Variants in DPEP1 observed in about 807,000 individuals in gnomAD.
DPEP1 encodes dipeptidase 1.
In DPEP1, 50 loss-of-function variants were observed where a neutral mutation model predicts 42.3. The ratio of observed to expected loss-of-function variants is 1.18; its 90% CI spans 0.94 to 1.50. The LOEUF is 1.50. DPEP1 is among the 40% of genes most tolerant of loss of function. The pLI is 0.00. For synonymous variants in DPEP1, 297 were observed against 234.0 expected, an observed-to-expected ratio of 1.27 and a Z score of -2.46; for missense variants, 663 against 553.0, an observed-to-expected ratio of 1.20 and a Z score of -1.99.
intron 1 of DPEP1, among the ~76,000 whole-genome samples, chr16:89,623,350 G>A (rs1409077935): frequency 1.3e-5 from 2 of 151,948 alleles, no homozygotes; most frequent in Admixed American, 6.6e-5. Flanking sequence ...GGGCATCTCC[G>A]GAGCTCGCCC....
Position 89,636,670 on chromosome 16 carries a change from T to C in DPEP1, c.508T>C (p.Cys170Arg). 6.2e-7 allele frequency: 1 copy of C among 1,612,376 alleles called. No individual in the cohort carries two copies. The highest frequency in any genetic ancestry group is 8.5e-7 in the Non-Finnish European group (1 of 1,179,898). ...GMRYLTLTHS[C>R]NTPWADNWLV... ...GCGGTACCTGACCCTCACCCACAGC[T>C]GCAACACGCCCTGGTGCGTGACTCC... Residue 170 changes from cysteine (C) to arginine (R), a missense_variant, in exon 5 of 11, where the codon TGC becomes CGC. Physicochemically the swap from Cys to Arg is radical, Grantham distance 180. Coordinates refer to ENST00000690203, the MANE Select transcript of DPEP1 (RefSeq NM_001389466.1).
chr16:89,628,908 C>T (rs993594266), intron 1 of DPEP1, among the ~76,000 whole-genome samples: 14 of 151,898 alleles, frequency 9.2e-5, no homozygotes, highest in African/African-American at 3.4e-4. Context: ...CTCACAGCAA[C>T]CTCCGCCTCC....
chr16:89,614,494 G>C (rs1156939650), intron 1 of DPEP1, among the ~76,000 whole-genome samples: 1 of 152,208 alleles, frequency 6.6e-6, no homozygotes, highest in Admixed American at 6.5e-5. Context: ...AGGATTTGCT[G>C]AATGAAAATC....
intron 2 of DPEP1, among the ~76,000 whole-genome samples, chr16:89,630,934 G>A (rs2059579807): frequency 6.6e-6 from 1 of 151,894 alleles, no homozygotes; most frequent in African/African-American, 2.4e-5. Context: ...GGGTCTCTCA[G>A]GGCCCCCAAA....
downstream of DPEP1, among the ~76,000 whole-genome samples, chr16:89,638,935 CACATA>C: frequency 1.2e-5 from 1 of 80,420 alleles, no homozygotes. Flanking sequence ...TGCACACACA[CACATA>C]CCCCACCCCT....
downstream of DPEP1, among the ~76,000 whole-genome samples, chr16:89,640,322 C>G (rs1300958561): frequency 6.6e-6 from 1 of 152,210 alleles, no homozygotes; most frequent in South Asian, 2.1e-4. Flanking sequence ...GCCCAGGTCA[C>G]TTCCAGATCT....
intron 2 of DPEP1, among the ~76,000 whole-genome samples, chr16:89,630,715 C>CTGGGGGAGCCGGGGT: frequency 1.0e-4 from 2 of 19,608 alleles, no homozygotes; most frequent in South Asian, 3.0e-3. Context: ...GGAGCCGGGG[C>CTGGGGGAGCCGGGGT]TGGGGGTGCC....
chr16:89,620,681 C>T (rs941126441), intron 1 of DPEP1: 3 of 152,270 alleles, frequency 2.0e-5, no homozygotes, highest in African/African-American at 7.2e-5. Context: ...CCAGAAACAA[C>T]CCCCAAGCCT....
intron 1 of DPEP1, among the ~76,000 whole-genome samples, chr16:89,614,573 T>C (rs944290493): frequency 6.6e-6 from 1 of 152,132 alleles, no homozygotes; most frequent in Non-Finnish European, 1.5e-5. Flanking sequence ...GGTGGGCAGA[T>C]CATGAGGTCA....
intron 1 of DPEP1, among the ~76,000 whole-genome samples, chr16:89,630,019 G>C (rs1047525339): frequency 6.6e-6 from 1 of 152,176 alleles, no homozygotes; most frequent in African/African-American, 2.4e-5. Context: ...AGTAATAACA[G>C]TAGCACAGCT....
intron 6 of DPEP1, 90 bp downstream of exon 6, chr16:89,637,025 C>T (rs2059690016): frequency 5.1e-6 from 8 of 1,557,240 alleles, no homozygotes. Flanking sequence ...CACGTGGGAC[C>T]TCAGTGTCCT....
intron 1 of DPEP1, among the ~76,000 whole-genome samples, chr16:89,624,799 T>TGCTG (rs1359036193): frequency 6.6e-6 from 1 of 152,108 alleles, no homozygotes; most frequent in Non-Finnish European, 1.5e-5. Context: ...TCTCCCAAAG[T>TGCTG]GCTGGGATGA....
rs527968779 is a variant in DPEP1 at position 89,614,533 on chromosome 16, G to T, written c.-107+814G>T. On this transcript the variant is annotated intron_variant, in intron 1 of 10. Coordinates refer to ENST00000690203, the MANE Select transcript of DPEP1 (RefSeq NM_001389466.1). ...GCTGTGGCCGGGCGCGGTGGCTCAC[G>T]CCTGTAATCCCCACACTGTGGGAGG... Among the ~76,000 whole-genome samples, 5 of 152,220 alleles carry T rather than the reference G, an allele frequency of 3.3e-5. No homozygotes were observed. The East Asian group carries it at 5.8e-4, about 18-fold the overall frequency.
chr16:89,626,044 G>A (rs931850538), intron 1 of DPEP1, among the ~76,000 whole-genome samples: 9 of 152,160 alleles, frequency 5.9e-5, no homozygotes, highest in East Asian at 1.9e-4. Flanking sequence ...TCTGGTGCTC[G>A]GAAGACATGT....
rs778246244 is a variant in DPEP1 at position 89,637,833 on chromosome 16, CAG to C, written c.930-2_930-1del. The C allele has an allele frequency of 1.2e-6, 2 of 1,612,752 alleles. No homozygotes were observed. Among genetic ancestry groups the C allele is most frequent in the East Asian group, 4.5e-5 (2 of 44,884 alleles). ...GGCCCAGGTTCTCCTGGCCTCAACA[CAG>C]GGTCCCTGAGGGGCTGGAGGACGTC... On this transcript the variant is annotated splice_acceptor_variant, in intron 9 of 10. Transcript: ENST00000690203. LOFTEE classifies it high-confidence loss of function.
intron 1 of DPEP1, among the ~76,000 whole-genome samples, chr16:89,629,664 G>C (rs1249741437): frequency 6.6e-6 from 1 of 152,220 alleles, no homozygotes; most frequent in Non-Finnish European, 1.5e-5. Flanking sequence ...GGAACTGTGT[G>C]CCCAGGAGCC....
chr16:89,637,260 TG>T lies in DPEP1; in HGVS notation c.649del (p.Val217TrpfsTer4). On this transcript the variant is annotated frameshift_variant, in exon 7 of 11. Transcript: ENST00000690203. LOFTEE classifies it high-confidence loss of function. ...TCCTCATCGACTTGGCTCACGTGTC[TG>T]TGGCCACCATGAAGGCCACCCTGCA... ...GVLIDLAHVS[V>X]ATMKATLQLS... The T allele has an allele frequency of 6.2e-7, 1 of 1,612,772 alleles. No homozygotes were observed. The highest frequency in any genetic ancestry group is 8.5e-7 in the Non-Finnish European group (1 of 1,179,966).
chr16:89,621,974 C>G (rs555012689), intron 1 of DPEP1, among the ~76,000 whole-genome samples: 5 of 152,266 alleles, frequency 3.3e-5, no homozygotes, highest in African/African-American at 9.6e-5. Flanking sequence ...GATGGGGCTT[C>G]TGTGTGGTTC....
chr16:89,632,578 T>C (rs78961851), intron 2 of DPEP1, among the ~76,000 whole-genome samples: 9,860 of 152,260 alleles, frequency 0.065, 421 homozygotes, highest in Non-Finnish European at 0.098. Flanking sequence ...TCCAGCACTT[T>C]CCAGCACTCC....
Sources: gnomAD v4.1 joint callset for allele counts (sites outside exome capture counted in the v4.1 genomes callset) on GRCh38, gnomAD v4.1.1 for gene constraint, MANE v1.5 for transcripts, NCBI Gene and HGNC (gene_info 2026-07-23, HGNC 2026-07-21) for gene names.